Variants in MAP4K5 observed in about 807,000 individuals in gnomAD.
The protein encoded by MAP4K5 is MAPK/ERK kinase kinase kinase 5.
A neutral mutation model predicts 135.6 loss-of-function variants in MAP4K5; 82 were observed. The observed-to-expected ratio is 0.60, with a 90% confidence interval of 0.51 to 0.73. MAP4K5 has a LOEUF of 0.73. Among genes scored for constraint, MAP4K5 ranks in the 30% least tolerant of loss-of-function variants. The pLI is 0.00. For synonymous variants in MAP4K5, 347 were observed against 335.0 expected (o/e 1.04, Z -0.39); for missense variants, 907 against 1,010.9 (o/e 0.90, Z 1.39).
intron 21 of MAP4K5, among the ~76,000 whole-genome samples, chr14:50,441,777 C>T (rs974707579): frequency 3.6e-5 from 5 of 140,498 alleles, no homozygotes; most frequent in Admixed American, 2.1e-4. Context: ...CACACACACA[C>T]ACACACACAC....
intron 3 of MAP4K5, among the ~76,000 whole-genome samples, chr14:50,499,243 C>G (rs1031880748): frequency 6.6e-6 from 1 of 151,752 alleles, no homozygotes; most frequent in Non-Finnish European, 1.5e-5. Context: ...AAAAAGAGTA[C>G]AGGAAAATTA....
At chr14:50,479,477 A>G (rs1257105894) in intron 6 of MAP4K5, among the ~76,000 whole-genome samples, 1 of 152,144 alleles carries the variant, frequency 6.6e-6, no homozygotes, top group Non-Finnish European at 1.5e-5. Flanking sequence ...AATTCCATCC[A>G]AAGCTCACTC....
intron 13 of MAP4K5, 61 bp from the exon 14 acceptor site, chr14:50,456,655 A>G: frequency 1.0e-6 from 1 of 996,864 alleles, no homozygotes. Flanking sequence ...TTAAAAGGTC[A>G]AACTTTCTTA....
Position 50,448,844 on chromosome 14 carries a change from A to G in MAP4K5, c.1016-12T>C, listed in dbSNP as rs1215158157. The G allele has an allele frequency of 2.8e-6, 4 of 1,425,498 alleles. No homozygotes were observed. Among genetic ancestry groups the G allele is most frequent in the African/African-American group, 1.4e-5 (1 of 70,716 alleles). The allele number at this position is 1,425,498 out of a possible 1,614,324, so 88.3% of individuals were successfully genotyped here. On this transcript the variant is annotated splice_polypyrimidine_tract_variant and intron_variant, in intron 14 of 32. Transcript: ENST00000682126. Reference sequence around the variant, plus strand: ...TTGTAATTTGTCAACTGCAAAATATATAACAGGTATGTACAAACTCAGCAT... The same window carrying G: ...TTGTAATTTGTCAACTGCAAAATATGTAACAGGTATGTACAAACTCAGCAT...
intron 2 of MAP4K5, among the ~76,000 whole-genome samples, chr14:50,516,468 C>A (rs995829262): frequency 6.6e-5 from 10 of 152,090 alleles, no homozygotes; most frequent in African/African-American, 2.4e-4. Context: ...TGAACGCAGG[C>A]AGGTGGATGA....
chr14:50,448,914 G>T, intron 14 of MAP4K5, 82 bp from the exon 15 acceptor site: 1 of 685,602 alleles, frequency 1.5e-6, no homozygotes, highest in Non-Finnish European at 2.6e-6. Flanking sequence ...TTTGTATATG[G>T]GGTGGGGGAG....
At chr14:50,531,065 G>T (rs8009295) in intron 2 of MAP4K5, among the ~76,000 whole-genome samples, 97,093 of 152,044 alleles carry the variant, frequency 0.64, 31,252 homozygotes, top group East Asian at 0.75. Flanking sequence ...AAAGGAATTT[G>T]CCCTTAATAT....
chr14:50,535,079 A>T (rs1038628696), upstream of MAP4K5, among the ~76,000 whole-genome samples: 4 of 152,210 alleles, frequency 2.6e-5, no homozygotes, highest in Admixed American at 6.5e-5. Context: ...CCTAATTGTC[A>T]TGCATTCTTA....
intron 1 of MAP4K5, among the ~76,000 whole-genome samples, chr14:50,560,858 C>G (rs532683163): frequency 6.6e-6 from 1 of 152,294 alleles, no homozygotes; most frequent in Non-Finnish European, 1.5e-5. Flanking sequence ...GACCGAGCAA[C>G]TGGGAGAAGG....
intron 8 of MAP4K5, among the ~76,000 whole-genome samples, chr14:50,475,440 A>G (rs779727481): frequency 6.6e-6 from 1 of 151,816 alleles, no homozygotes; most frequent in Non-Finnish European, 1.5e-5. Flanking sequence ...AAAAAGCACA[A>G]AAAATAAAAC....
At chr14:50,492,993 C>T (rs1366614810) in intron 3 of MAP4K5, among the ~76,000 whole-genome samples, 1 of 150,242 alleles carries the variant, frequency 6.7e-6, no homozygotes, top group African/African-American at 2.5e-5. Flanking sequence ...ATGACTGCAC[C>T]ACTGCCCTCC....
chr14:50,507,053 A>G (rs895341398), intron 2 of MAP4K5, among the ~76,000 whole-genome samples: 1 of 152,252 alleles, frequency 6.6e-6, no homozygotes, highest in African/African-American at 2.4e-5. Flanking sequence ...ACAAGCAGTG[A>G]TAATTGACTT....
intron 1 of MAP4K5, among the ~76,000 whole-genome samples, chr14:50,542,930 TA>T (rs1293688864): frequency 1.3e-5 from 2 of 152,230 alleles, no homozygotes; most frequent in Non-Finnish European, 2.9e-5. Context: ...GCACAGTAGC[TA>T]ATAGGTTGGT....
rs2035837081 is a variant in MAP4K5 at position 50,425,975 on chromosome 14, A to G, written c.2329T>C (p.Cys777Arg). 6.2e-7 allele frequency: 1 copy of G among 1,601,680 alleles called. No homozygotes were observed. ...SFDFRIESVV[C>R]LQDSVLAFWK... ...AAAGCCAACACACTGTCTTGAAGGC[A>G]TACTAAAAATGATAAGGGAGAAGTG... The change falls in exon 31 of 33, where the codon TGC becomes CGC. Residue 777 changes from cysteine to arginine, a missense_variant and splice_region_variant. By Grantham distance (180) the Cys-to-Arg change is radical. This residue lies in a region of MAP4K5 where 690 missense variants were observed against 777.4 expected (regional missense o/e 0.89). Coordinates refer to ENST00000682126, the MANE Select transcript of MAP4K5 (RefSeq NM_006575.6).
chr14:50,462,693 T>C lies in MAP4K5; in HGVS notation c.908A>G (p.Tyr303Cys). 1 of 1,605,468 alleles carries C rather than the reference T, an allele frequency of 6.2e-7. No individual in the cohort carries two copies. The stretch of plus-strand genomic sequence containing the variant: ...AAAGTCATCGTCATCTGCTTCAGTG[T>C]AATGTGCGTGGTTATCTGGATTGTT... ...KVNNPDNHAH[Y>C]TEADDDDFEP... is the part of the protein sequence containing the mutation. Residue 303 changes from tyrosine (Y) to cysteine (C), a missense_variant, in exon 13 of 33, where the codon TAC becomes TGC. Physicochemically the swap from Tyr to Cys is radical, Grantham distance 194. This residue lies in a region of MAP4K5 where 690 missense variants were observed against 777.4 expected (regional missense o/e 0.89). Transcript: ENST00000682126.
intron 2 of MAP4K5, among the ~76,000 whole-genome samples, chr14:50,515,343 C>T (rs1033871768): frequency 6.6e-6 from 1 of 152,152 alleles, no homozygotes; most frequent in Non-Finnish European, 1.5e-5. Flanking sequence ...TAACATTATA[C>T]TTCCTTTCTA....
chr14:50,470,653 TACACACACACACAC>T (rs59377868), intron 9 of MAP4K5, among the ~76,000 whole-genome samples: 23 of 149,216 alleles, frequency 1.5e-4, no homozygotes, highest in South Asian at 4.3e-4. Context: ...CATCCATTTT[TACACACACACACAC>T]ACACACACAC....
At chr14:50,560,098 C>G in intron 1 of MAP4K5, 1 of 731,232 alleles carries the variant, frequency 1.4e-6, no homozygotes, top group Non-Finnish European at 2.3e-6. Flanking sequence ...GCTTTCTCCT[C>G]CCTTTTCCTC....
chr14:50,517,699 G>A (rs1195381096), intron 2 of MAP4K5, among the ~76,000 whole-genome samples: 1 of 151,994 alleles, frequency 6.6e-6, no homozygotes, highest in Non-Finnish European at 1.5e-5. Context: ...AACCCGGGAG[G>A]CGGAGGTTGC....
Sources: gnomAD v4.1 joint callset for allele counts (sites outside exome capture counted in the v4.1 genomes callset) on GRCh38, gnomAD v4.1.1 for gene constraint, gnomAD v4.1.1 regional missense constraint, MANE v1.5 for transcripts, NCBI Gene and HGNC (gene_info 2026-07-23, HGNC 2026-07-21) for gene names.